Variants in GDAP2 observed in about 807,000 individuals in gnomAD.
GDAP2 encodes ganglioside-induced differentiation-associated protein 2.
In GDAP2, 51 loss-of-function variants were observed where a neutral mutation model predicts 67.0. That is an observed-to-expected ratio of 0.76 (90% CI 0.61 to 0.96). The LOEUF is 0.96. Ranked by LOEUF, GDAP2 falls within the 40% of genes least tolerant of loss-of-function variation. GDAP2 has a pLI of 0.00. For synonymous variants in GDAP2, 203 were observed against 207.3 expected (o/e 0.98, Z 0.18); for missense variants, 547 against 588.3 (o/e 0.93, Z 0.73).
In GDAP2 at chr1:117,920,210, T is replaced by C. The variant is rs1650196937; in HGVS notation, c.148A>G (p.Lys50Glu). 6.2e-7 allele frequency: 1 copy of C among 1,606,070 alleles called. No homozygotes were observed. Residue 50 changes from lysine (K) to glutamate (E), a missense_variant, in exon 2 of 14, where the codon AAG becomes GAG. Transcript: ENST00000369443. ...AGAACCACTTTTCCATTGACGTCCT[T>C]ATTATAAAGAAAAGGTGATCGAACA... ...DTVRSPFLYN[K>E]DVNGKVVLWK...
rs758464567 is a variant in GDAP2, at chr1:117,896,935, G to C, written c.851C>G (p.Ser284Cys). Reference sequence around the variant, plus strand: ...TCCTTCCATTCGAGCAAAAGCATGAGAGCCAATGAAAGAGAGATCAACTCC... The same window carrying C: ...TCCTTCCATTCGAGCAAAAGCATGACAGCCAATGAAAGAGAGATCAACTCC... ...GLGVDLSFIG[S>C]HAFARMEGDI... The change falls in exon 8 of 14, where the codon TCT (serine) becomes TGT (cysteine). Residue 284 changes from serine (S) to cysteine (C), a missense_variant. Ser to Cys is a moderately radical substitution (Grantham distance 112). Coordinates refer to ENST00000369443, the MANE Select transcript of GDAP2 (RefSeq NM_017686.4). 1.2e-6 allele frequency: 2 copies of C among 1,612,220 alleles called. No individual in the cohort carries two copies. Among genetic ancestry groups the C allele is most frequent in the African/African-American group, 2.7e-5 (2 of 74,960 alleles).
At chr1:117,883,707 A>C in intron 10 of GDAP2, 80 bp from the exon 11 acceptor site, 1 of 1,007,202 alleles carries the variant, frequency 9.9e-7, no homozygotes, top group Non-Finnish European at 1.5e-6. Context: ...AAAACAAAAC[A>C]AAACAAAATA....
At chr1:117,916,219 T>G (rs1650040175) in intron 3 of GDAP2, among the ~76,000 whole-genome samples, 1 of 152,136 alleles carries the variant, frequency 6.6e-6, no homozygotes. Context: ...AAAGAAATAG[T>G]GCTTTCAGGA....
intron 1 of GDAP2, among the ~76,000 whole-genome samples, chr1:117,925,390 T>C (rs1650410438): frequency 6.6e-6 from 1 of 152,064 alleles, no homozygotes; most frequent in African/African-American, 2.4e-5. Context: ...GAGGCAGAGA[T>C]TGCAGTGAGC....
chr1:117,907,015 G>A (rs1557805302), intron 5 of GDAP2, among the ~76,000 whole-genome samples: 1 of 152,158 alleles, frequency 6.6e-6, no homozygotes. Flanking sequence ...TCTAGCACAA[G>A]TGTCTTTCCA....
At chr1:117,924,501 C>G (rs1445171582) in intron 1 of GDAP2, among the ~76,000 whole-genome samples, 4 of 152,176 alleles carry the variant, frequency 2.6e-5, no homozygotes, top group Non-Finnish European at 5.9e-5. Context: ...ATGGTTTTCA[C>G]GTTTGTTGTC....
intron 8 of GDAP2, among the ~76,000 whole-genome samples, chr1:117,896,317 C>T (rs1649263493): frequency 6.6e-6 from 1 of 152,148 alleles, no homozygotes; most frequent in African/African-American, 2.4e-5. Flanking sequence ...CCCAAAAGTA[C>T]AAAGCTGCTT....
At chr1:117,882,810 G>A (rs1648700838) in intron 11 of GDAP2, 1 of 152,056 alleles carries the variant, frequency 6.6e-6, no homozygotes, top group African/African-American at 2.4e-5. Context: ...TACCCTAACT[G>A]TAAAATGGGC....
rs1323364049 is a variant in GDAP2, at chr1:117,868,780, A to T, written c.*1789T>A. 3 of 152,188 alleles carry T rather than the reference A, an allele frequency of 2.0e-5. No homozygotes were observed. Among genetic ancestry groups the T allele is most frequent in the Non-Finnish European group, 4.4e-5 (3 of 68,046 alleles). 9.4% of individuals were successfully genotyped at this position (152,188 alleles called of 1,614,324 possible). On this transcript the variant is annotated 3_prime_UTR_variant, in exon 14 of 14. Coordinates refer to ENST00000369443, the MANE Select transcript of GDAP2 (RefSeq NM_017686.4). ...AGTACTGTTTGAGAGAAAGCTTAAC[A>T]TCCGACATCTGACTGGCTGCCTGGA...
intron 11 of GDAP2, among the ~76,000 whole-genome samples, 176 bp from the exon 12 acceptor site, chr1:117,882,053 T>C (rs1422381104): frequency 6.6e-6 from 1 of 152,114 alleles, no homozygotes; most frequent in African/African-American, 2.4e-5. Flanking sequence ...TCAGAGAACA[T>C]TCCATTTTTT....
At chr1:117,920,073 A>G in intron 2 of GDAP2, 109 bp downstream of exon 2, 1 of 637,220 alleles carries the variant, frequency 1.6e-6, no homozygotes, top group Non-Finnish European at 2.8e-6. Context: ...AAAGTCATAT[A>G]CGTATACGCA....
intron 12 of GDAP2, among the ~76,000 whole-genome samples, chr1:117,879,493 GATA>G (rs1252605989): frequency 6.6e-6 from 1 of 152,058 alleles, no homozygotes; most frequent in Non-Finnish European, 1.5e-5. Flanking sequence ...TGATGATGAT[GATA>G]ATGACAATGA....
intron 13 of GDAP2, chr1:117,877,425 G>T (rs1356735590): frequency 2.1e-6 from 2 of 973,956 alleles, no homozygotes; most frequent in Non-Finnish European, 1.2e-6. Flanking sequence ...TTACTAAGGT[G>T]ATATCATGAA....
chr1:117,914,165 A>C (rs188897205), intron 3 of GDAP2, among the ~76,000 whole-genome samples: 1 of 152,316 alleles, frequency 6.6e-6, no homozygotes, highest in Admixed American at 6.5e-5. Context: ...CTAACACTTA[A>C]GGATCACCAG....
Position 117,906,384 on chromosome 1 carries a change from A to C in GDAP2, c.636+122T>G, listed in dbSNP as rs555803923. The C allele has an allele frequency of 9.2e-5, 57 of 619,162 alleles. No individual in the cohort carries two copies. The African/African-American group carries it at 1.0e-3, about 11-fold the overall frequency. The allele number at this position is 619,162 out of a possible 1,614,324, so 38.4% of individuals were successfully genotyped here. ...TGAATGATTGTAAGACCCACTGTCA[A>C]ATACATACATAGATCATTAGGATTT... On this transcript the variant is annotated intron_variant, in intron 6 of 13. Transcript: ENST00000369443.
intron 13 of GDAP2, among the ~76,000 whole-genome samples, chr1:117,873,577 C>T (rs920520628): frequency 3.3e-5 from 5 of 152,148 alleles, no homozygotes; most frequent in African/African-American, 1.2e-4. Flanking sequence ...GAAAATGTTT[C>T]CTTACAAGGT....
chr1:117,897,010 T>C (rs1289910355), intron 7 of GDAP2, 21 bp from the exon 8 acceptor site: 7 of 1,561,296 alleles, frequency 4.5e-6, no homozygotes, highest in Non-Finnish European at 5.3e-6. Context: ...AATGCAACTA[T>C]CAATAGAGAG....
chr1:117,878,228 T>C (rs1004333482), intron 12 of GDAP2, 76 bp from the exon 13 acceptor site: 1 of 712,386 alleles, frequency 1.4e-6, no homozygotes, highest in East Asian at 2.7e-5. Flanking sequence ...GGAAAATTTA[T>C]AGTAGATAAA....
At chr1:117,894,586 T>A (rs1282322529) in intron 8 of GDAP2, among the ~76,000 whole-genome samples, 1 of 152,318 alleles carries the variant, frequency 6.6e-6, no homozygotes, top group Non-Finnish European at 1.5e-5. Flanking sequence ...GAAGACAAAA[T>A]GGAAGAACAC....
Sources: gnomAD v4.1 joint callset for allele counts (sites outside exome capture counted in the v4.1 genomes callset) on GRCh38, gnomAD v4.1.1 for gene constraint, MANE v1.5 for transcripts, NCBI Gene and HGNC (gene_info 2026-07-23, HGNC 2026-07-21) for gene names.